The following IDI1 variants were observed in gnomAD, a reference collection of about 807,000 sequenced individuals.
IDI1 encodes the protein isopentenyl-diphosphate Delta-isomerase 1.
IDI1 carries 23 observed loss-of-function variants against 32.9 expected under a neutral mutation model. The ratio of observed to expected loss-of-function variants is 0.70; its 90% CI spans 0.50 to 0.99. The LOEUF is 0.99. Ranked by LOEUF, IDI1 falls within the 50% of genes least tolerant of loss-of-function variation. IDI1 has a pLI of 0.00. For missense variants in IDI1, 326 were observed against 351.9 expected (o/e 0.93, Z 0.59); for synonymous variants, 133 against 128.2 (o/e 1.04, Z -0.25).
chr10:1,043,620 C>T (rs764479377), intron 2 of IDI1: 25 of 665,818 alleles, frequency 3.8e-5, no homozygotes, highest in Middle Eastern at 2.4e-4. Context: ...GGCCCCTTTC[C>T]GGCAGTCAAG....
rs555373854 is a variant in IDI1, at chr10:1,048,443, G to A, written c.140+421C>T. ...CGCGTCACACGCGTGGACTCGGCAC[G>A]GGGAGGCCGGTGTCGTCACGCTCGT... On this transcript the variant is annotated intron_variant, in intron 1 of 4. Transcript: ENST00000381344. The A allele has an allele frequency of 6.7e-5, 86 of 1,279,682 alleles. 1 individual carries two copies. In the Middle Eastern group the frequency reaches 2.5e-3, roughly 37 times the overall value. The allele number at this position is 1,279,682 out of a possible 1,614,324, so 79.3% of individuals were successfully genotyped here. A position where few individuals can be genotyped will look rare whatever the true frequency, so the allele number is the denominator to read the frequency against.
chr10:1,048,172 C>T (rs1832857637), intron 1 of IDI1: 30 of 1,169,554 alleles, frequency 2.6e-5, no homozygotes, highest in South Asian at 2.0e-4. Flanking sequence ...ATGACAATTG[C>T]TCTTTCAGGA....
chr10:1,050,852 C>A (rs1832991686), upstream of IDI1, among the ~76,000 whole-genome samples: 1 of 152,238 alleles, frequency 6.6e-6, no homozygotes. Flanking sequence ...GTGCCCCTGG[C>A]TGGGAGTCTT....
In IDI1 at chr10:1,044,145, A is replaced by G; in HGVS notation, c.167T>C (p.Val56Ala). Reference protein sequence around the residue: ...ISVLEQIRHFVMMPEINTNHL... With the variant: ...ISVLEQIRHFAMMPEINTNHL... Reference sequence around the variant, plus strand: ...GTTAGTGTTTATTTCAGGCATCATTACAAAATGTCTGATCTGTTCTAGAAC... The same window carrying G: ...GTTAGTGTTTATTTCAGGCATCATTGCAAAATGTCTGATCTGTTCTAGAAC... The change falls in exon 2 of 5, where the codon GTA becomes GCA. Residue 56 changes from valine to alanine, a missense_variant. Transcript: ENST00000381344. 6.2e-7 allele frequency: 1 copy of G among 1,613,764 alleles called. No individual in the cohort carries two copies.
At chr10:1,049,478 C>CG (rs1217407188), upstream of IDI1, 8 of 158,592 alleles carry the variant, frequency 5.0e-5, no homozygotes, top group South Asian at 7.6e-4. Flanking sequence ...CCCCTCCCCC[C>CG]CCCCGAGTTC....
chr10:1,053,587 T>G (rs1414451293), upstream of IDI1, among the ~76,000 whole-genome samples: 1 of 152,234 alleles, frequency 6.6e-6, no homozygotes, highest in Non-Finnish European at 1.5e-5. Context: ...CAAGAACTTT[T>G]CCTTTGCATT....
upstream of IDI1, chr10:1,049,222 A>C (rs1326110543): frequency 1.4e-6 from 1 of 698,428 alleles, no homozygotes; most frequent in Non-Finnish European, 2.2e-6. Context: ...GAGACCACAG[A>C]CGCCGCCAGC....
At chr10:1,053,806 T>C (rs1833074557), upstream of IDI1, among the ~76,000 whole-genome samples, 1 of 151,754 alleles carries the variant, frequency 6.6e-6, no homozygotes, top group Non-Finnish European at 1.5e-5. Context: ...CACAGCTCAC[T>C]GCAGCCTCGA....
the IDI1 span, among the ~76,000 whole-genome samples, chr10:1,055,373 T>C: frequency 1.3e-5 from 2 of 152,250 alleles, no homozygotes; most frequent in African/African-American, 2.4e-5. Flanking sequence ...GTGACTTTTA[T>C]GGAATCCTAA....
chr10:1,045,352 T>G (rs1832769840), intron 1 of IDI1, among the ~76,000 whole-genome samples: 1 of 152,280 alleles, frequency 6.6e-6, no homozygotes, highest in African/African-American at 2.4e-5. Flanking sequence ...TTCTTCTCCT[T>G]TATTTCTGAA....
chr10:1,054,522 G>C, the IDI1 span, among the ~76,000 whole-genome samples: 1 of 152,222 alleles, frequency 6.6e-6, no homozygotes, highest in Non-Finnish European at 1.5e-5. Flanking sequence ...CAAAGTACAT[G>C]TATTTTGCAT....
At chr10:1,052,121 T>C (rs1302329883), upstream of IDI1, among the ~76,000 whole-genome samples, 1 of 152,184 alleles carries the variant, frequency 6.6e-6, no homozygotes, top group Non-Finnish European at 1.5e-5. Context: ...TCTGCCCACC[T>C]TGGCCTCTCA....
In IDI1 at chr10:1,041,059, T is replaced by G; in HGVS notation, c.*128A>C. 1 of 634,602 alleles carries G rather than the reference T, an allele frequency of 1.6e-6. No individual in the cohort carries two copies. The highest frequency in any genetic ancestry group is 2.7e-6 in the Non-Finnish European group (1 of 370,086). 39.3% of individuals were successfully genotyped at this position (634,602 alleles called of 1,614,324 possible). ...TTAAAGTATCAGTGTATATAATACATTAATGATAGTACCAAATGATAGAAC... is the reference window on the plus strand; with the variant it reads ...TTAAAGTATCAGTGTATATAATACAGTAATGATAGTACCAAATGATAGAAC... On this transcript the variant is annotated 3_prime_UTR_variant, in exon 5 of 5. Transcript: ENST00000381344.
intron 2 of IDI1, 54 bp from the exon 3 acceptor site, chr10:1,043,447 A>G: frequency 9.3e-7 from 1 of 1,075,064 alleles, no homozygotes; most frequent in Non-Finnish European, 1.5e-6. Flanking sequence ...GTTATTTGCC[A>G]AATTCTCTCC....
chr10:1,044,652 A>C (rs1832744925), intron 1 of IDI1, among the ~76,000 whole-genome samples: 1 of 152,176 alleles, frequency 6.6e-6, no homozygotes, highest in African/African-American at 2.4e-5. Flanking sequence ...CATTTTTTCA[A>C]GGCACAACTC....
At chr10:1,055,718 T>C in the IDI1 span, among the ~76,000 whole-genome samples, 1 of 149,530 alleles carries the variant, frequency 6.7e-6, no homozygotes, top group Middle Eastern at 3.4e-3. Flanking sequence ...TTCACTTCTT[T>C]TTTTTTTTTG....
At chr10:1,055,847 G>A in the IDI1 span, among the ~76,000 whole-genome samples, 1 of 151,764 alleles carries the variant, frequency 6.6e-6, no homozygotes, top group Non-Finnish European at 1.5e-5. Context: ...GGCTCGCTCT[G>A]TCCCAGGCTG....
upstream of IDI1, among the ~76,000 whole-genome samples, chr10:1,054,118 A>G (rs1034439451): frequency 3.3e-5 from 5 of 152,204 alleles, no homozygotes; most frequent in Non-Finnish European, 5.9e-5. Context: ...AATAACGGAA[A>G]CATTCCAAGA....
Position 1,048,984 on chromosome 10 carries a change from A to G in IDI1, c.20T>C (p.Leu7Pro). The G allele has an allele frequency of 6.5e-7, 1 of 1,528,142 alleles. No individual in the cohort carries two copies. The highest frequency in any genetic ancestry group is 8.7e-7 in the Non-Finnish European group (1 of 1,143,220). 94.7% of individuals were successfully genotyped at this position (1,528,142 alleles called of 1,614,324 possible). A position where few individuals can be genotyped will look rare whatever the true frequency, so the allele number is the denominator to read the frequency against. Residue 7 changes from leucine to proline, a missense_variant, in exon 1 of 5, where the codon CTG (leucine) becomes CCG (proline). Physicochemically the swap from Leu to Pro is moderately conservative, Grantham distance 98. Coordinates refer to ENST00000381344, the MANE Select transcript of IDI1 (RefSeq NM_004508.4). ...GGCCGCGCAGCCAATCGCTCGCGCC[A>G]GCGCCAGTCCACGCCACATCGCCCG... MWRGLA[L>P]ARAIGCAARG...
Sources: gnomAD v4.1 joint callset for allele counts (sites outside exome capture counted in the v4.1 genomes callset) on GRCh38, gnomAD v4.1.1 for gene constraint, MANE v1.5 for transcripts, NCBI Gene and HGNC (gene_info 2026-07-23, HGNC 2026-07-21) for gene names.